The following GON4L variants were observed in gnomAD, a reference collection of about 807,000 sequenced individuals.
The protein encoded by GON4L is GON-4-like protein.
Under a neutral mutation model 211.8 loss-of-function variants are expected in GON4L, and 87 were observed. That is an observed-to-expected ratio of 0.41 (90% CI 0.35 to 0.49). The LOEUF is 0.49. Among genes scored for constraint, GON4L ranks in the 20% least tolerant of loss-of-function variants. The pLI is 0.15. For synonymous variants in GON4L, 875 were observed against 962.6 expected (o/e 0.91, Z 1.68); for missense variants, 2,155 against 2,659.5 (o/e 0.81, Z 4.17).
chr1:155,854,554 C>T (rs1672103352), intron 1 of GON4L, among the ~76,000 whole-genome samples: 1 of 152,178 alleles, frequency 6.6e-6, no homozygotes, highest in East Asian at 1.9e-4. Context: ...ACCTTCTCTC[C>T]AGCTTTATGA....
chr1:155,800,284 G>A (rs369710776), intron 11 of GON4L, among the ~76,000 whole-genome samples: 86 of 152,266 alleles, frequency 5.6e-4, no homozygotes, highest in African/African-American at 1.8e-3. Flanking sequence ...TAGGCCGGGC[G>A]TGGTGGCTCA....
intron 10 of GON4L, among the ~76,000 whole-genome samples, chr1:155,805,692 CTT>C (rs565142517): frequency 7.7e-5 from 11 of 142,840 alleles, no homozygotes; most frequent in Non-Finnish European, 7.7e-5. Context: ...TCTATCAATA[CTT>C]TTTTTTTTTT....
chr1:155,780,925 A>G (rs1664355704), intron 14 of GON4L, among the ~76,000 whole-genome samples: 1 of 152,114 alleles, frequency 6.6e-6, no homozygotes, highest in African/African-American at 2.4e-5. Flanking sequence ...TATTGGGGAT[A>G]AAAATCATTC....
chr1:155,802,312 T>TG (rs112512680), intron 11 of GON4L, among the ~76,000 whole-genome samples: 8,041 of 136,742 alleles, frequency 0.059, 291 homozygotes, highest in African/African-American at 0.09. Flanking sequence ...ACATTTTCCT[T>TG]GGGGGGGGGG....
At chr1:155,749,275 T>G, downstream of GON4L, 1 of 1,602,418 alleles carries the variant, frequency 6.2e-7, no homozygotes, top group South Asian at 1.1e-5. Context: ...AATTCTTAGT[T>G]TGTTATTCAT....
chr1:155,821,041 C>A (rs548868943), intron 5 of GON4L, among the ~76,000 whole-genome samples: 1 of 151,950 alleles, frequency 6.6e-6, no homozygotes, highest in Non-Finnish European at 1.5e-5. Flanking sequence ...CCGAGGCGGG[C>A]GGATCACAAG....
At chr1:155,768,161 G>T (rs1467362040) in intron 19 of GON4L, among the ~76,000 whole-genome samples, 3 of 152,064 alleles carry the variant, frequency 2.0e-5, no homozygotes, top group Non-Finnish European at 4.4e-5. Flanking sequence ...AAATTAGCCA[G>T]GCATGGTGGC....
At chr1:155,793,722 C>T (rs1484843346) in intron 12 of GON4L, among the ~76,000 whole-genome samples, 1 of 152,098 alleles carries the variant, frequency 6.6e-6, no homozygotes, top group Non-Finnish European at 1.5e-5. Flanking sequence ...AATCCTCCTG[C>T]CTCAGCCTCC....
At chr1:155,771,527 G>A (rs1044300473) in intron 18 of GON4L, among the ~76,000 whole-genome samples, 9 of 152,042 alleles carry the variant, frequency 5.9e-5, no homozygotes, top group East Asian at 1.9e-4. Context: ...GTTGGAGAGC[G>A]GGTGGCATGA....
intron 10 of GON4L, among the ~76,000 whole-genome samples, chr1:155,807,153 C>CTGGGGGG (rs1667208989): frequency 6.6e-6 from 1 of 151,092 alleles, no homozygotes; most frequent in South Asian, 2.1e-4. Flanking sequence ...GTAAACCCAG[C>CTGGGGGG]ACCTTGATAG....
intron 10 of GON4L, among the ~76,000 whole-genome samples, chr1:155,805,815 A>G (rs1480896903): frequency 1.3e-5 from 2 of 151,286 alleles, no homozygotes; most frequent in East Asian, 3.9e-4. Context: ...TCAGCCTCCC[A>G]GGGAGCTGGG....
chr1:155,761,559 G>A (rs911658409), intron 23 of GON4L, among the ~76,000 whole-genome samples: 5 of 148,528 alleles, frequency 3.4e-5, no homozygotes, highest in African/African-American at 5.0e-5. Flanking sequence ...GCAGTGGTGC[G>A]ATCTCGGCTC....
At chr1:155,786,443 A>G (rs568535659) in intron 12 of GON4L, among the ~76,000 whole-genome samples, 3 of 152,074 alleles carry the variant, frequency 2.0e-5, no homozygotes, top group Admixed American at 1.3e-4. Flanking sequence ...GGTGAGAGAA[A>G]TCTCTTGAGT....
chr1:155,841,155 T>G (rs1670739325), intron 2 of GON4L, among the ~76,000 whole-genome samples: 1 of 152,366 alleles, frequency 6.6e-6, no homozygotes, highest in African/African-American at 2.4e-5. Flanking sequence ...AATTTAAATG[T>G]TTAGGTACCT....
At chr1:155,851,275 A>G (rs1157989718) in intron 2 of GON4L, among the ~76,000 whole-genome samples, 1 of 150,770 alleles carries the variant, frequency 6.6e-6, no homozygotes, top group East Asian at 1.9e-4. Flanking sequence ...AATGGCATGA[A>G]CCCAGGAGGC....
intron 22 of GON4L, 142 bp downstream of exon 22, chr1:155,763,170 G>C (rs1662023500): frequency 3.1e-6 from 2 of 637,990 alleles, no homozygotes; most frequent in Non-Finnish European, 2.7e-6. Flanking sequence ...CATGTTTTGG[G>C]GGAGGGGTGT....
intron 21 of GON4L, among the ~76,000 whole-genome samples, chr1:155,763,830 A>G (rs1258467317): frequency 2.0e-5 from 3 of 151,970 alleles, no homozygotes; most frequent in African/African-American, 7.2e-5. Flanking sequence ...TGATGAAACC[A>G]CGTCTCTACT....
At chr1:155,797,870 A>G (rs1429961846) in intron 11 of GON4L, among the ~76,000 whole-genome samples, 1 of 149,124 alleles carries the variant, frequency 6.7e-6, no homozygotes, top group Non-Finnish European at 1.5e-5. Flanking sequence ...AAAAAAAAAA[A>G]CACATATATA....
chr1:155,811,302 G>C (rs1448317878), intron 10 of GON4L, among the ~76,000 whole-genome samples: 7 of 127,754 alleles, frequency 5.5e-5, no homozygotes, highest in Non-Finnish European at 9.4e-5. Flanking sequence ...TGAGGCAGTA[G>C]AATGATGTGA....
Sources: gnomAD v4.1 joint callset for allele counts (sites outside exome capture counted in the v4.1 genomes callset) on GRCh38, gnomAD v4.1.1 for gene constraint, MANE v1.5 for transcripts, NCBI Gene and HGNC (gene_info 2026-07-23, HGNC 2026-07-21) for gene names.